FOXP2: variants seen among roughly 807,000 people sequenced by gnomAD.
The protein encoded by FOXP2 is forkhead box P2, also known as forkhead box protein P2.
In FOXP2, 12 loss-of-function variants were observed where a neutral mutation model predicts 115.8. That is an observed-to-expected ratio of 0.10 (90% CI 0.07 to 0.17). The LOEUF (loss-of-function observed/expected upper bound fraction) is 0.17, where lower values mean the gene tolerates loss of function less well. Among genes scored for constraint, FOXP2 ranks in the 10% least tolerant of loss-of-function variants. The pLI is 1.00. For synonymous variants in FOXP2, 328 were observed against 297.7 expected (o/e 1.10, Z -1.05); for missense variants, 629 against 843.5 (o/e 0.75, Z 3.15).
chr7:114,454,824 T>C (rs1266980743), intron 2 of FOXP2, among the ~76,000 whole-genome samples: 1 of 117,538 alleles, frequency 8.5e-6, no homozygotes, highest in Admixed American at 9.4e-5. Context: ...AACAATGAGA[T>C]CACATGGACA....
chr7:114,406,139 G>T (rs1238312711), intron 2 of FOXP2, among the ~76,000 whole-genome samples: 2 of 151,798 alleles, frequency 1.3e-5, no homozygotes, highest in Non-Finnish European at 1.5e-5. Flanking sequence ...AAATGAAATT[G>T]GATTGCTTCT....
At chr7:114,319,522 C>G (rs2129181243) in intron 2 of FOXP2, among the ~76,000 whole-genome samples, 1 of 152,302 alleles carries the variant, frequency 6.6e-6, no homozygotes, top group African/African-American at 2.4e-5. Context: ...GAGCAAGTCA[C>G]ATTGTATGAG....
At chr7:114,390,023 C>CGAA (rs1792549895) in intron 2 of FOXP2, among the ~76,000 whole-genome samples, 1 of 93,192 alleles carries the variant, frequency 1.1e-5, no homozygotes, top group Non-Finnish European at 2.0e-5. Flanking sequence ...CATTCAGTGT[C>CGAA]AAAAAAAAAA....
At chr7:114,538,792 T>C (rs886836368) in intron 3 of FOXP2, among the ~76,000 whole-genome samples, 2 of 151,834 alleles carry the variant, frequency 1.3e-5, no homozygotes, top group Admixed American at 6.6e-5. Flanking sequence ...ATTATGTTTT[T>C]GTTTGCTTGG....
intron 8 of FOXP2, among the ~76,000 whole-genome samples, chr7:114,650,302 G>A (rs1290492484): frequency 6.6e-6 from 1 of 151,978 alleles, no homozygotes; most frequent in African/African-American, 2.4e-5. Flanking sequence ...AGACCTGTAT[G>A]TTCTACTTAT....
chr7:114,367,065 T>C (rs948246692), intron 2 of FOXP2, among the ~76,000 whole-genome samples: 2 of 152,148 alleles, frequency 1.3e-5, no homozygotes, highest in African/African-American at 4.8e-5. Flanking sequence ...TTACAATATG[T>C]ATGTTTCTGT....
At chr7:114,189,528 G>C (rs917573944) in intron 1 of FOXP2, among the ~76,000 whole-genome samples, 1 of 151,926 alleles carries the variant, frequency 6.6e-6, no homozygotes, top group Non-Finnish European at 1.5e-5. Flanking sequence ...AGAAAGACTT[G>C]GATAGAATAT....
intron 2 of FOXP2, among the ~76,000 whole-genome samples, chr7:114,522,405 A>G (rs1376969320): frequency 6.6e-6 from 1 of 152,150 alleles, no homozygotes; most frequent in East Asian, 1.9e-4. Context: ...TTCGTTCCCT[A>G]GCAAGTCATT....
chr7:114,176,942 G>A (rs916980865), intron 1 of FOXP2, among the ~76,000 whole-genome samples: 8 of 151,942 alleles, frequency 5.3e-5, no homozygotes, highest in African/African-American at 1.9e-4. Flanking sequence ...TATACAAATG[G>A]TATCATTTGG....
chr7:114,471,907 C>T (rs1418962960), intron 2 of FOXP2, among the ~76,000 whole-genome samples: 2 of 150,610 alleles, frequency 1.3e-5, no homozygotes, highest in African/African-American at 4.9e-5. Context: ...TTGCAGTGAG[C>T]TGAGATTGCA....
intron 3 of FOXP2, among the ~76,000 whole-genome samples, chr7:114,580,985 A>G (rs1801826007): frequency 6.6e-6 from 1 of 151,664 alleles, no homozygotes. Flanking sequence ...TAAAGGAAGA[A>G]TGAGCCAGCA....
intron 6 of FOXP2, among the ~76,000 whole-genome samples, chr7:114,639,439 T>G (rs901846472): frequency 2.0e-5 from 3 of 152,048 alleles, no homozygotes; most frequent in African/African-American, 7.2e-5. Flanking sequence ...TTATAAAACT[T>G]CAGTTGTATT....
chr7:114,321,657 TA>T (rs1305989777), intron 2 of FOXP2, among the ~76,000 whole-genome samples: 2 of 152,208 alleles, frequency 1.3e-5, no homozygotes, highest in African/African-American at 2.4e-5. Context: ...GCACAGTGGA[TA>T]ATACAGGAAT....
intron 1 of FOXP2, among the ~76,000 whole-genome samples, chr7:114,285,205 T>G (rs996658108): frequency 1.3e-5 from 2 of 152,108 alleles, no homozygotes; most frequent in Non-Finnish European, 2.9e-5. Context: ...TTGGGTTTTT[T>G]TGGTATGTGA....
chr7:114,171,660 A>T (rs1793143338), intron 1 of FOXP2, among the ~76,000 whole-genome samples: 1 of 152,202 alleles, frequency 6.6e-6, no homozygotes, highest in African/African-American at 2.4e-5. Context: ...ATGCCTGTTA[A>T]CACATCCATT....
At chr7:114,301,429 C>A (rs183083866) in intron 2 of FOXP2, among the ~76,000 whole-genome samples, 58 of 152,150 alleles carry the variant, frequency 3.8e-4, no homozygotes, top group African/African-American at 1.4e-3. Flanking sequence ...AACTCCTGTC[C>A]ACACGTTAAC....
upstream of FOXP2, among the ~76,000 whole-genome samples, chr7:114,161,975 G>T (rs1007322463): frequency 2.6e-5 from 4 of 152,100 alleles, no homozygotes; most frequent in East Asian, 1.9e-4. Context: ...TAGAGACAGG[G>T]TTTCACCATG....
At chr7:114,683,686 G>C (rs1808212300) in intron 16 of FOXP2, among the ~76,000 whole-genome samples, 1 of 152,194 alleles carries the variant, frequency 6.6e-6, no homozygotes, top group South Asian at 2.1e-4. Context: ...AGGCAGAACA[G>C]GGTAGAAGGA....
At chr7:114,197,441 T>C (rs1793942074) in intron 1 of FOXP2, among the ~76,000 whole-genome samples, 1 of 152,188 alleles carries the variant, frequency 6.6e-6, no homozygotes. Context: ...ACTCTGAGTT[T>C]GAGGGCTCTG....
Sources: gnomAD v4.1 joint callset for allele counts (sites outside exome capture counted in the v4.1 genomes callset) on GRCh38, gnomAD v4.1.1 for gene constraint, MANE v1.5 for transcripts, NCBI Gene and HGNC (gene_info 2026-07-23, HGNC 2026-07-21) for gene names.